Variants in DPP4 observed in about 807,000 individuals in gnomAD.
The protein encoded by DPP4 is dipeptidyl peptidase 4.
A neutral mutation model predicts 122.4 loss-of-function variants in DPP4; 93 were observed. The observed-to-expected ratio is 0.76, with a 90% CI of 0.64 to 0.90. The LOEUF (loss-of-function observed/expected upper bound fraction) is 0.90, where lower values mean the gene tolerates loss of function less well. DPP4 is among the 40% of genes least tolerant of loss of function. The pLI is 0.00. For missense variants in DPP4, 914 were observed against 907.3 expected, an observed-to-expected ratio of 1.01 and a Z score of -0.09; for synonymous variants, 321 against 302.9, an observed-to-expected ratio of 1.06 and a Z score of -0.62.
At chr2:162,035,451 G>A in intron 8 of DPP4, 127 bp from the exon 9 acceptor site, 1 of 749,072 alleles carries the variant, frequency 1.3e-6, no homozygotes, top group South Asian at 2.1e-5. Context: ...CTTTGCATTT[G>A]CTGGGCTTCC....
chr2:162,056,520 A>G (rs1684580958), intron 2 of DPP4, among the ~76,000 whole-genome samples: 1 of 152,204 alleles, frequency 6.6e-6, no homozygotes. Flanking sequence ...AAAAATTATG[A>G]CAGTGAGAGA....
At chr2:162,039,791 C>T (rs1186238849) in intron 5 of DPP4, among the ~76,000 whole-genome samples, 1 of 151,382 alleles carries the variant, frequency 6.6e-6, no homozygotes, top group Admixed American at 6.6e-5. Context: ...AAACTAAATC[C>T]AAAGTAATTA....
rs1380645330 is a variant in DPP4, at chr2:162,020,366, G to A, written c.1177-70C>T. ...AGAGACTCTCTCTGTTCAAAGTGGA[G>A]GATTAAATCATTTATATCAGGAATT... On this transcript the variant is annotated intron_variant, in intron 13 of 25. Coordinates refer to ENST00000360534, the MANE Select transcript of DPP4 (RefSeq NM_001935.4). The A allele has an allele frequency of 1.6e-5, 20 of 1,282,338 alleles. No individual in the cohort carries two copies. In the East Asian group the frequency reaches 4.3e-4, roughly 28 times the overall value. 79.4% of individuals were successfully genotyped at this position (1,282,338 alleles called of 1,614,324 possible). A position where few individuals can be genotyped will look rare whatever the true frequency, so the allele number is the denominator to read the frequency against.
intron 20 of DPP4, among the ~76,000 whole-genome samples, chr2:162,011,489 C>T (rs1682705030): frequency 6.6e-6 from 1 of 151,970 alleles, no homozygotes; most frequent in Non-Finnish European, 1.5e-5. Context: ...TCAGTTTGTC[C>T]CCGAGTCTGA....
chr2:162,009,337 T>A (rs1246231423), intron 20 of DPP4, 42 bp from the exon 21 acceptor site: 1 of 1,585,500 alleles, frequency 6.3e-7, no homozygotes, highest in Non-Finnish European at 8.7e-7. Flanking sequence ...TACTGCATTG[T>A]GTATAGAAAA....
At chr2:162,065,630 T>C (rs1269943566) in intron 2 of DPP4, among the ~76,000 whole-genome samples, 3 of 152,186 alleles carry the variant, frequency 2.0e-5, no homozygotes, top group African/African-American at 7.2e-5. Flanking sequence ...TCAGTGAGGA[T>C]GGACACGGAG....
intron 2 of DPP4, among the ~76,000 whole-genome samples, chr2:162,070,118 T>C (rs1289369588): frequency 6.6e-6 from 1 of 152,218 alleles, no homozygotes; most frequent in Non-Finnish European, 1.5e-5. Flanking sequence ...TATTTCTCAC[T>C]GATTCTTGGG....
At chr2:162,004,705 C>T (rs564429124) in intron 23 of DPP4, among the ~76,000 whole-genome samples, 8 of 152,228 alleles carry the variant, frequency 5.3e-5, no homozygotes, top group Non-Finnish European at 8.8e-5. Context: ...TTGAGTTTTA[C>T]TGTATTTTGA....
At chr2:161,994,207 C>A (rs1040934545) in intron 25 of DPP4, among the ~76,000 whole-genome samples, 6 of 152,088 alleles carry the variant, frequency 3.9e-5, no homozygotes. Flanking sequence ...AAACACTGAC[C>A]CAAAAGATAG....
intron 10 of DPP4, among the ~76,000 whole-genome samples, chr2:162,028,745 G>A (rs1683438645): frequency 6.6e-6 from 1 of 152,242 alleles, no homozygotes; most frequent in African/African-American, 2.4e-5. Context: ...AGTCTACTAT[G>A]TGCCAGGAAC....
At chr2:162,069,181 G>A (rs1484810471) in intron 2 of DPP4, among the ~76,000 whole-genome samples, 65 of 152,172 alleles carry the variant, frequency 4.3e-4, no homozygotes, top group Non-Finnish European at 2.2e-4. Context: ...TGTAGGAATG[G>A]AGAGGGTAAT....
chr2:162,056,915 T>C (rs1684599907), intron 2 of DPP4, among the ~76,000 whole-genome samples: 1 of 152,198 alleles, frequency 6.6e-6, no homozygotes, highest in South Asian at 2.1e-4. Flanking sequence ...GACTTTTGCA[T>C]TCAGTTGGAC....
At chr2:162,045,943 A>C (rs1684157957) in intron 4 of DPP4, among the ~76,000 whole-genome samples, 1 of 152,198 alleles carries the variant, frequency 6.6e-6, no homozygotes, top group Admixed American at 6.5e-5. Context: ...AGACTCTTTA[A>C]GGGTCATGTG....
At chr2:161,996,852 CCA>C (rs1256417006) in intron 23 of DPP4, among the ~76,000 whole-genome samples, 2 of 152,136 alleles carry the variant, frequency 1.3e-5, no homozygotes, top group East Asian at 1.9e-4. Flanking sequence ...TCGGTACTAT[CCA>C]CAGTTTCAGG....
At chr2:162,033,893 T>TATAC (rs1491588211) in intron 9 of DPP4, among the ~76,000 whole-genome samples, 8 of 138,588 alleles carry the variant, frequency 5.8e-5, no homozygotes, top group East Asian at 4.2e-4. Flanking sequence ...TATATATATA[T>TATAC]ACACACTATA....
At chr2:162,048,447 T>C (rs546562413) in intron 2 of DPP4, among the ~76,000 whole-genome samples, 1 of 152,242 alleles carries the variant, frequency 6.6e-6, no homozygotes, top group African/African-American at 2.4e-5. Context: ...AAGTTTTCAA[T>C]ATTTCCCCAT....
rs74962196 is a variant in DPP4 at position 162,003,554 on chromosome 2, G to T, written c.2052+2191C>A. Among the ~76,000 whole-genome samples, 1,107 of 152,224 alleles carry T rather than the reference G, an allele frequency of 7.3e-3. 11 individuals are homozygous for T. Among genetic ancestry groups the T allele is most frequent in the African/African-American group, 0.025 (1,039 of 41,532 alleles). ...CTTTTTAAAATATAATTTTTTAAAT[G>T]AACGTTTTGGATTCATCATACACCA... On this transcript the variant is annotated intron_variant, in intron 23 of 25. Coordinates refer to ENST00000360534, the MANE Select transcript of DPP4 (RefSeq NM_001935.4).
intron 2 of DPP4, among the ~76,000 whole-genome samples, chr2:162,065,866 A>G (rs1242998614): frequency 6.6e-6 from 1 of 152,196 alleles, no homozygotes; most frequent in African/African-American, 2.4e-5. Flanking sequence ...AATGCTGTCA[A>G]TTATTTGAGG....
At chr2:161,994,855 G>A in intron 25 of DPP4, 106 bp downstream of exon 25, 1 of 1,092,416 alleles carries the variant, frequency 9.2e-7, no homozygotes, top group Non-Finnish European at 1.4e-6. Context: ...AATTTTTAAT[G>A]TTTTTATTCT....
Sources: allele counts gnomAD v4.1 joint callset (sites outside exome capture counted in the v4.1 genomes callset), GRCh38; gene constraint gnomAD v4.1.1; transcripts MANE v1.5; gene names NCBI Gene and HGNC (gene_info 2026-07-23, HGNC 2026-07-21).